Variants in PSAP observed in about 807,000 individuals in gnomAD.
PSAP encodes precursor of saposins.
A neutral mutation model predicts 66.0 loss-of-function variants in PSAP; 25 were observed. That is an observed-to-expected ratio of 0.38 (90% CI 0.28 to 0.53). PSAP has a LOEUF of 0.53. PSAP is among the 20% of genes least tolerant of loss of function. The probability of loss-of-function intolerance (pLI) is 0.83; values close to 1 mark genes in which losing one functional copy is unlikely to be tolerated. For synonymous variants in PSAP, 273 were observed against 258.9 expected, an observed-to-expected ratio of 1.05 and a Z score of -0.52; for missense variants, 649 against 668.8, an observed-to-expected ratio of 0.97 and a Z score of 0.33.
At chr10:71,822,225 C>G (rs1228254190) in intron 7 of PSAP, 1 of 614,432 alleles carries the variant, frequency 1.6e-6, no homozygotes, top group African/African-American at 1.8e-5. Context: ...GGGAGGAGAC[C>G]ACACAAAGCT....
In PSAP at chr10:71,830,900, C is replaced by T. The variant is rs12413995; in HGVS notation, c.375+226G>A. On this transcript the variant is annotated intron_variant, in intron 4 of 13. Coordinates refer to ENST00000394936, the MANE Select transcript of PSAP (RefSeq NM_002778.4). ...GCCGGTTTACATTCCTTCAGCAGTCCGACCAGTCCCCAGCAGCCGCACCCT... is the reference window on the plus strand; with the variant it reads ...GCCGGTTTACATTCCTTCAGCAGTCTGACCAGTCCCCAGCAGCCGCACCCT... 0.41 allele frequency among the ~76,000 whole-genome samples: 62,107 copies of T among 152,052 alleles called. 14,541 individuals carry two copies. The highest frequency in any genetic ancestry group is 0.54 in the Middle Eastern group (158 of 294).
intron 7 of PSAP, chr10:71,822,605 C>A (rs900807979): frequency 4.2e-6 from 2 of 472,100 alleles, no homozygotes; most frequent in Non-Finnish European, 8.8e-6. Context: ...CCAGATTGAT[C>A]CCCTTTCACC....
At chr10:71,845,320 G>A (rs1842801565) in intron 1 of PSAP, among the ~76,000 whole-genome samples, 1 of 152,170 alleles carries the variant, frequency 6.6e-6, no homozygotes, top group South Asian at 2.1e-4. Flanking sequence ...AACAAGTCCA[G>A]GAAGGTGGCT....
chr10:71,831,508 A>G (rs1008297115), intron 3 of PSAP, among the ~76,000 whole-genome samples: 5 of 152,204 alleles, frequency 3.3e-5, no homozygotes, highest in Non-Finnish European at 1.5e-5. Flanking sequence ...GATGGCCAAA[A>G]TGGACCTAGG....
At chr10:71,845,300 G>A (rs117939415) in intron 1 of PSAP, among the ~76,000 whole-genome samples, 3,659 of 152,232 alleles carry the variant, frequency 0.024, 74 homozygotes, top group Non-Finnish European at 0.037. Flanking sequence ...AAGACCTAAC[G>A]GGGAGGAAAA....
chr10:71,849,129 G>A (rs933696838), intron 1 of PSAP, among the ~76,000 whole-genome samples: 13 of 152,116 alleles, frequency 8.5e-5, no homozygotes, highest in Non-Finnish European at 1.3e-4. Context: ...AAATTGCCCT[G>A]AATCAGTATA....
At chr10:71,839,803 G>A (rs1364606355) in intron 1 of PSAP, among the ~76,000 whole-genome samples, 8 of 152,136 alleles carry the variant, frequency 5.3e-5, no homozygotes, top group Admixed American at 2.0e-4. Flanking sequence ...GTAGTAAGCC[G>A]AGATCACGCC....
rs777607746 is a variant in PSAP, at chr10:71,819,788, A to G, written c.1118T>C (p.Leu373Pro). Residue 373 changes from leucine to proline, a missense_variant, in exon 10 of 14, where the codon CTG becomes CCG. By Grantham distance (98) the Leu-to-Pro change is moderately conservative. Transcript: ENST00000394936. ...CACCAGCTCAGGGCTGACCTCCTCC[A>G]GCAGGATGGACAGGATGGAGCTGCC... ...TYGSSILSILLEEVSPELVCS... is the reference protein window; with the variant it reads ...TYGSSILSILPEEVSPELVCS... 6.2e-7 allele frequency: 1 copy of G among 1,613,946 alleles called. No individual in the cohort carries two copies. The highest frequency in any genetic ancestry group is 2.2e-5 in the East Asian group (1 of 44,892).
chr10:71,832,738 T>C (rs535215802), intron 2 of PSAP, among the ~76,000 whole-genome samples: 2 of 152,002 alleles, frequency 1.3e-5, no homozygotes, highest in Admixed American at 1.3e-4. Flanking sequence ...CATGGAACCA[T>C]ATCAAGAGAG....
intron 1 of PSAP, among the ~76,000 whole-genome samples, chr10:71,839,548 A>G: frequency 6.6e-6 from 1 of 152,110 alleles, no homozygotes; most frequent in East Asian, 1.9e-4. Context: ...CCACAATGGG[A>G]CTTTTTTAAA....
At chr10:71,827,915 G>GA (rs1006359153) in intron 6 of PSAP, 99 bp downstream of exon 6, 23 of 1,523,364 alleles carry the variant, frequency 1.5e-5, no homozygotes, top group Admixed American at 5.6e-5. Flanking sequence ...TGCTTTCTGG[G>GA]AAAAAAGAGA....
chr10:71,827,418 G>A (rs562352135), intron 6 of PSAP, among the ~76,000 whole-genome samples: 1 of 87,610 alleles, frequency 1.1e-5, no homozygotes, highest in Non-Finnish European at 2.7e-5. Flanking sequence ...AAAAAAAAAA[G>A]AAAAGAAAAG....
intron 3 of PSAP, 116 bp downstream of exon 3, chr10:71,831,730 C>T: frequency 9.8e-7 from 1 of 1,017,890 alleles, no homozygotes; most frequent in African/African-American, 1.6e-5. Flanking sequence ...TTGTGGAAGA[C>T]ATTTGCCACC....
chr10:71,843,457 C>CTA lies in PSAP; in HGVS notation c.40+7723_40+7724dup, dbSNP rs528905627. ...CGTACAGAACAGCATCCCATCACAGCTACTGAGAGAGTCATAAGTAACGTG... is the reference window on the plus strand; with the variant it reads ...CGTACAGAACAGCATCCCATCACAGCTATACTGAGAGAGTCATAAGTAACGTG... On this transcript the variant is annotated intron_variant, in intron 1 of 13. Coordinates refer to ENST00000394936, the MANE Select transcript of PSAP (RefSeq NM_002778.4). Among the ~76,000 whole-genome samples the CTA allele has an allele frequency of 1.7e-3, 254 of 152,292 alleles. 1 individual carries two copies. The highest frequency in any genetic ancestry group is 5.8e-3 in the African/African-American group (243 of 41,558).
At position 71,834,361 on chromosome 10, in the gene PSAP, GC is replaced by G. The variant is rs1454593330; in HGVS notation, c.174+10del. On this transcript the variant is annotated intron_variant, in intron 2 of 13. Transcript: ENST00000394936. ...GTGCTGCGGCTGGGACTGGAGGGCAGCGGCACTCACCACTGTTGGCTTGTTC... is the reference window on the plus strand; with the variant it reads ...GTGCTGCGGCTGGGACTGGAGGGCAGGGCACTCACCACTGTTGGCTTGTTC... 6.2e-7 allele frequency: 1 copy of G among 1,613,300 alleles called. No homozygotes were observed. The highest frequency in any genetic ancestry group is 8.5e-7 in the Non-Finnish European group (1 of 1,180,028).
chr10:71,825,699 C>CA, intron 7 of PSAP, 138 bp downstream of exon 7: 1 of 783,694 alleles, frequency 1.3e-6, no homozygotes, highest in Non-Finnish European at 2.2e-6. Flanking sequence ...GTCTCCTAGC[C>CA]AGAGGGGTCG....
chr10:71,842,925 C>A (rs1345297695), intron 1 of PSAP, among the ~76,000 whole-genome samples: 4 of 152,174 alleles, frequency 2.6e-5, no homozygotes, highest in Non-Finnish European at 5.9e-5. Context: ...GTTTCAGGCA[C>A]ACTAGCCTAC....
intron 1 of PSAP, among the ~76,000 whole-genome samples, chr10:71,834,975 G>A (rs1197604171): frequency 5.9e-5 from 9 of 152,204 alleles, no homozygotes; most frequent in African/African-American, 2.2e-4. Context: ...GGTGGCTCAC[G>A]CCTATAATCC....
At chr10:71,837,293 C>T (rs1399086734) in intron 1 of PSAP, among the ~76,000 whole-genome samples, 1 of 152,252 alleles carries the variant, frequency 6.6e-6, no homozygotes, top group African/African-American at 2.4e-5. Context: ...CGTTCATAGA[C>T]TGCGTGTCCT....
Sources: gnomAD v4.1 joint callset for allele counts (sites outside exome capture counted in the v4.1 genomes callset) on GRCh38, gnomAD v4.1.1 for gene constraint, MANE v1.5 for transcripts, NCBI Gene and HGNC (gene_info 2026-07-23, HGNC 2026-07-21) for gene names.